CASC3: variants seen among roughly 807,000 people sequenced by gnomAD.
CASC3 encodes the protein CASC3 exon junction complex subunit.
A neutral mutation model predicts 80.5 loss-of-function variants in CASC3; 30 were observed. The observed-to-expected ratio is 0.37, with a 90% CI of 0.28 to 0.51. The LOEUF (loss-of-function observed/expected upper bound fraction) is 0.51. Ranked by LOEUF, CASC3 falls within the 20% of genes least tolerant of loss-of-function variation. The pLI, the probability that CASC3 is intolerant of heterozygous loss-of-function variation, is 0.94. For synonymous variants in CASC3, 312 were observed against 333.6 expected, an observed-to-expected ratio of 0.94 and a Z score of 0.70; for missense variants, 824 against 922.2, an observed-to-expected ratio of 0.89 and a Z score of 1.38.
intron 5 of CASC3, 21 bp downstream of exon 5, chr17:40,162,174 C>T (rs1258736707): frequency 6.2e-7 from 1 of 1,607,688 alleles, no homozygotes; most frequent in South Asian, 1.1e-5. Flanking sequence ...CTTGCTGCTG[C>T]TGCTGTCTAA....
chr17:40,164,281 T>G (rs1989388268), intron 7 of CASC3, 115 bp downstream of exon 7: 2 of 915,494 alleles, frequency 2.2e-6, no homozygotes, highest in East Asian at 5.3e-5. Flanking sequence ...TCTTTTTTTT[T>G]GAGACAGAGT....
chr17:40,141,280 A>C (rs1336156286), intron 2 of CASC3, 46 bp downstream of exon 2: 1 of 1,531,524 alleles, frequency 6.5e-7, no homozygotes, highest in Non-Finnish European at 9.0e-7. Context: ...TTTTTTTAAC[A>C]TAAACTCAGG....
At chr17:40,152,432 C>G (rs533131665) in intron 3 of CASC3, among the ~76,000 whole-genome samples, 1 of 152,040 alleles carries the variant, frequency 6.6e-6, no homozygotes, top group African/African-American at 2.4e-5. Flanking sequence ...AGCGGTTCTC[C>G]TGCCTAAGCC....
intron 8 of CASC3, chr17:40,167,250 C>G (rs528991973): frequency 2.6e-5 from 14 of 545,630 alleles, no homozygotes; most frequent in Middle Eastern, 9.5e-4. Context: ...TGAGCCACCA[C>G]GCCCGGCCAA....
intron 3 of CASC3, among the ~76,000 whole-genome samples, chr17:40,145,405 G>A (rs905327102): frequency 1.0e-4 from 15 of 144,874 alleles, no homozygotes; most frequent in African/African-American, 3.1e-4. Flanking sequence ...ATCTCTTGAC[G>A]TCGTGATCCA....
chr17:40,156,561 C>T (rs1047181741), intron 3 of CASC3, among the ~76,000 whole-genome samples: 6 of 151,780 alleles, frequency 4.0e-5, no homozygotes, highest in African/African-American at 9.7e-5. Context: ...TGGTGGCGGG[C>T]GCCTGTAGTC....
intron 5 of CASC3, 36 bp downstream of exon 5, chr17:40,162,189 T>A: frequency 2.5e-6 from 4 of 1,593,986 alleles, no homozygotes; most frequent in Non-Finnish European, 2.6e-6. Flanking sequence ...GTCTAACATG[T>A]ATTTTACACA....
At position 40,163,735 on chromosome 17, in the gene CASC3, T is replaced by G; in HGVS notation, c.1040T>G (p.Ile347Ser). The change falls in exon 7 of 14, where the codon ATT becomes AGT. Residue 347 changes from isoleucine (I) to serine (S), a missense_variant. Physicochemically the swap from Ile to Ser is moderately radical, Grantham distance 142. Around this residue, in one of 3 missense-constraint regions of CASC3, gnomAD observed 464 missense variants for 506.0 expected, o/e 0.92. Coordinates refer to ENST00000264645, the MANE Select transcript of CASC3 (RefSeq NM_007359.5). ...GRSGETVKHEISYRSRRLEQT... is the reference protein window; with the variant it reads ...GRSGETVKHESSYRSRRLEQT... ...TCTGGTGAGACTGTTAAGCATGAGA[T>G]TAGTTACCGGTCACGGCGCCTAGAG... is the stretch of plus-strand genomic sequence containing the variant. The G allele has an allele frequency of 3.1e-6, 5 of 1,613,948 alleles. No individual in the cohort carries two copies. The Middle Eastern group carries it at 4.9e-4, about 160-fold the overall frequency.
chr17:40,167,563 C>A lies in CASC3; in HGVS notation c.1602C>A (p.Pro534=). 1 of 1,614,072 alleles carries A rather than the reference C, an allele frequency of 6.2e-7. No individual in the cohort carries two copies. The highest frequency in any genetic ancestry group is 1.3e-5 in the African/African-American group (1 of 75,020). The change falls in exon 9 of 14, where the codon CCC becomes CCA. Residue 534 remains proline, a synonymous_variant. Coordinates refer to ENST00000264645, the MANE Select transcript of CASC3 (RefSeq NM_007359.5). ...GGCAAAGACCTGTGCCAGAGCCCCCCGCCCCTCCAGTGCATATCAGTATCA... is the reference window on the plus strand; with the variant it reads ...GGCAAAGACCTGTGCCAGAGCCCCCAGCCCCTCCAGTGCATATCAGTATCA... ...SQRQRPVPEP[P]APPVHISIME... is the part of the protein sequence containing the mutation.
At chr17:40,149,645 A>G (rs1303304192) in intron 3 of CASC3, among the ~76,000 whole-genome samples, 1 of 152,234 alleles carries the variant, frequency 6.6e-6, no homozygotes, top group Non-Finnish European at 1.5e-5. Flanking sequence ...GGAACCAGAC[A>G]AGATTAACAT....
intron 7 of CASC3, among the ~76,000 whole-genome samples, chr17:40,164,461 T>A (rs745958119): frequency 4.7e-4 from 71 of 151,164 alleles, no homozygotes; most frequent in Non-Finnish European, 3.2e-4. Context: ...TTTATTTATT[T>A]GTTTTGAGAT....
chr17:40,161,151 T>C (rs1989287203), intron 3 of CASC3, among the ~76,000 whole-genome samples: 2 of 151,982 alleles, frequency 1.3e-5, no homozygotes, highest in South Asian at 4.2e-4. Context: ...GGCTAATTCT[T>C]ATATTTCTAG....
At chr17:40,141,064 A>G (rs1988701758) in intron 1 of CASC3, 143 bp from the exon 2 acceptor site, 2 of 786,912 alleles carry the variant, frequency 2.5e-6, no homozygotes, top group African/African-American at 1.7e-5. Context: ...TGCCTTGGCT[A>G]CTACTTGATA....
At chr17:40,159,711 A>ATTTTT (rs71152647) in intron 3 of CASC3, among the ~76,000 whole-genome samples, 20 of 93,164 alleles carry the variant, frequency 2.1e-4, no homozygotes, top group African/African-American at 3.2e-4. Context: ...TTCCTGGCGA[A>ATTTTT]TTTTTTTTTT....
In CASC3 at chr17:40,169,408, A is replaced by G. The variant is rs764122531; in HGVS notation, c.2050A>G (p.Thr684Ala). The stretch of plus-strand genomic sequence containing the variant: ...GCCAAAGCCCTCCCCACCCCGGAGG[A>G]CTCCCCAGCCAGTCACCATCAAGCC... ...VQPKPSPPRR[T>A]PQPVTIKPPP... The change falls in exon 12 of 14, where the codon ACT becomes GCT. Residue 684 changes from threonine (T) to alanine (A), a missense_variant. Physicochemically the swap from Thr to Ala is moderately conservative, Grantham distance 58 (BLOSUM62 0). Coordinates refer to ENST00000264645, the MANE Select transcript of CASC3 (RefSeq NM_007359.5). 5.6e-6 allele frequency: 9 copies of G among 1,611,672 alleles called. No homozygotes were observed. The South Asian group carries it at 8.8e-5, about 16-fold the overall frequency.
At chr17:40,141,518 C>G in intron 2 of CASC3, 52 bp from the exon 3 acceptor site, 1 of 1,531,186 alleles carries the variant, frequency 6.5e-7, no homozygotes, top group South Asian at 1.1e-5. Context: ...AATAAGCAGC[C>G]AAAAAATGTT....
chr17:40,151,022 A>G (rs985962551), intron 3 of CASC3, among the ~76,000 whole-genome samples: 2 of 151,886 alleles, frequency 1.3e-5, no homozygotes, highest in African/African-American at 2.4e-5. Flanking sequence ...CAAAAAAGAA[A>G]AAAAGAAAAA....
chr17:40,167,162 A>T, intron 8 of CASC3: 1 of 486,260 alleles, frequency 2.1e-6, no homozygotes, highest in Non-Finnish European at 3.6e-6. Flanking sequence ...GGGTTTCACC[A>T]TGTTGGCCAG....
rs552790109 is a variant in CASC3, at chr17:40,171,045, T to A, written c.*640T>A. 3 of 985,556 alleles carry A rather than the reference T, an allele frequency of 3.0e-6. No individual in the cohort carries two copies. The East Asian group carries it at 3.4e-4, about 110-fold the overall frequency. The allele number at this position is 985,556 out of a possible 1,614,324, so 61.1% of individuals were successfully genotyped here. ...TGGCATTTGTTATCCTCTTGTATAC[T>A]TGTATTCCCTTAACTCTAACCCTGT... On this transcript the variant is annotated 3_prime_UTR_variant, in exon 14 of 14. Transcript: ENST00000264645.
Sources: allele counts gnomAD v4.1 joint callset (sites outside exome capture counted in the v4.1 genomes callset), GRCh38; gene constraint gnomAD v4.1.1; regional missense constraint gnomAD v4.1.1; transcripts MANE v1.5; gene names NCBI Gene and HGNC (gene_info 2026-07-23, HGNC 2026-07-21).